CDH18: variants seen among roughly 807,000 people sequenced by gnomAD.
CDH18 encodes the protein cadherin 18.
In CDH18, 31 loss-of-function variants were observed where a neutral mutation model predicts 67.9. The ratio of observed to expected loss-of-function variants is 0.46; its 90% CI spans 0.34 to 0.62. CDH18 has a LOEUF of 0.62. Ranked by LOEUF, CDH18 falls within the 20% of genes least tolerant of loss-of-function variation. CDH18 has a pLI of 0.01. For missense variants in CDH18, 890 were observed against 975.5 expected, an observed-to-expected ratio of 0.91 and a Z score of 1.17; for synonymous variants, 362 against 347.2, an observed-to-expected ratio of 1.04 and a Z score of -0.48.
intron 5 of CDH18, among the ~76,000 whole-genome samples, chr5:19,629,778 T>G (rs538970935): frequency 6.6e-6 from 1 of 152,302 alleles, no homozygotes; most frequent in African/African-American, 2.4e-5. Context: ...GTTGACTATA[T>G]AAATTTTTTT....
At chr5:19,633,051 A>G (rs1406840238) in intron 5 of CDH18, among the ~76,000 whole-genome samples, 1 of 152,156 alleles carries the variant, frequency 6.6e-6, no homozygotes, top group Non-Finnish European at 1.5e-5. Flanking sequence ...ACTGGCCTTC[A>G]GCGTGCTTAT....
chr5:19,530,759 G>A (rs541668682), intron 9 of CDH18, among the ~76,000 whole-genome samples: 41 of 152,268 alleles, frequency 2.7e-4, no homozygotes, highest in African/African-American at 9.4e-4. Context: ...CAAAGGACAC[G>A]AACTCATCAT....
At chr5:20,348,682 A>G (rs1370761884) in intron 1 of CDH18, among the ~76,000 whole-genome samples, 1 of 152,188 alleles carries the variant, frequency 6.6e-6, no homozygotes, top group African/African-American at 2.4e-5. Flanking sequence ...GGAAAAGCAC[A>G]TACAAACATA....
chr5:20,448,063 C>G (rs1175474680), intron 1 of CDH18, among the ~76,000 whole-genome samples: 1 of 151,936 alleles, frequency 6.6e-6, no homozygotes, highest in African/African-American at 2.4e-5. Context: ...TCCCCCCACC[C>G]CACAACAGGC....
At chr5:20,108,480 G>T (rs190828310) in intron 2 of CDH18, among the ~76,000 whole-genome samples, 1 of 152,016 alleles carries the variant, frequency 6.6e-6, no homozygotes, top group African/African-American at 2.4e-5. Flanking sequence ...TCAGGTAGAC[G>T]CAATTTAGCC....
At chr5:20,312,015 T>G (rs1737042465) in intron 1 of CDH18, among the ~76,000 whole-genome samples, 1 of 152,112 alleles carries the variant, frequency 6.6e-6, no homozygotes, top group Admixed American at 6.6e-5. Context: ...ATGGGTTTCT[T>G]TTGCATGGTG....
chr5:19,589,188 C>G (rs1744696376), intron 7 of CDH18, among the ~76,000 whole-genome samples: 1 of 152,004 alleles, frequency 6.6e-6, no homozygotes, highest in Non-Finnish European at 1.5e-5. Flanking sequence ...CCAGTCAATC[C>G]TGTACTTCCT....
chr5:20,138,217 G>A (rs550643972), intron 2 of CDH18, among the ~76,000 whole-genome samples: 2 of 151,982 alleles, frequency 1.3e-5, no homozygotes, highest in East Asian at 1.9e-4. Flanking sequence ...AAAAAACCAC[G>A]TGATTGTCTC....
intron 2 of CDH18, among the ~76,000 whole-genome samples, chr5:20,101,301 A>G (rs1211876075): frequency 6.6e-6 from 1 of 152,308 alleles, no homozygotes; most frequent in East Asian, 1.9e-4. Context: ...GATTGGTTTC[A>G]TTAAAAAACA....
intron 1 of CDH18, among the ~76,000 whole-genome samples, chr5:20,282,893 G>C (rs368203066): frequency 6.6e-6 from 1 of 151,922 alleles, no homozygotes; most frequent in East Asian, 1.9e-4. Context: ...GTAACAAAAA[G>C]AACATGATAC....
intron 1 of CDH18, among the ~76,000 whole-genome samples, chr5:20,324,257 C>T (rs1032522212): frequency 6.6e-5 from 10 of 151,674 alleles, no homozygotes; most frequent in Non-Finnish European, 1.0e-4. Context: ...GGGGGAAGGC[C>T]GGGCGCGGTG....
At chr5:19,739,627 T>G (rs2150688897) in intron 4 of CDH18, among the ~76,000 whole-genome samples, 1 of 152,330 alleles carries the variant, frequency 6.6e-6, no homozygotes, top group South Asian at 2.1e-4. Flanking sequence ...GAAGAATAGT[T>G]ATGCAAATAA....
intron 2 of CDH18, among the ~76,000 whole-genome samples, chr5:19,860,326 T>C (rs887829649): frequency 6.6e-6 from 1 of 152,054 alleles, no homozygotes; most frequent in African/African-American, 2.4e-5. Flanking sequence ...TTTTATCCTT[T>C]TCTTATTTTC....
intron 2 of CDH18, among the ~76,000 whole-genome samples, chr5:19,913,193 T>C (rs1791350361): frequency 6.6e-6 from 1 of 151,452 alleles, no homozygotes; most frequent in Non-Finnish European, 1.5e-5. Flanking sequence ...TTAGTCATGA[T>C]TATAAGAACC....
chr5:19,598,065 C>A (rs1207822917), intron 6 of CDH18, among the ~76,000 whole-genome samples: 2 of 152,094 alleles, frequency 1.3e-5, no homozygotes, highest in Non-Finnish European at 2.9e-5. Context: ...TCCTTATTCA[C>A]ATGCAGGAAA....
intron 1 of CDH18, among the ~76,000 whole-genome samples, chr5:20,390,849 A>G (rs888731295): frequency 6.6e-6 from 1 of 152,186 alleles, no homozygotes; most frequent in Non-Finnish European, 1.5e-5. Context: ...GACATGAACG[A>G]AGCTGGAAAC....
intron 1 of CDH18, among the ~76,000 whole-genome samples, chr5:20,279,636 T>C (rs1317305524): frequency 7.6e-6 from 1 of 131,952 alleles, no homozygotes; most frequent in Non-Finnish European, 1.5e-5. Context: ...GAGGTGGAGG[T>C]TGCAGTGAGC....
chr5:20,360,323 G>A (rs554718342), intron 1 of CDH18, among the ~76,000 whole-genome samples: 74 of 152,036 alleles, frequency 4.9e-4, no homozygotes, highest in African/African-American at 1.4e-3. Flanking sequence ...CCCTCTAGAC[G>A]GATTAAAGAA....
intron 5 of CDH18, among the ~76,000 whole-genome samples, chr5:19,623,269 G>T (rs893807217): frequency 6.6e-6 from 1 of 152,120 alleles, no homozygotes; most frequent in Non-Finnish European, 1.5e-5. Flanking sequence ...CATAGAACAC[G>T]ACTTCCTGTA....
Sources: allele counts gnomAD v4.1 joint callset (sites outside exome capture counted in the v4.1 genomes callset), GRCh38; gene constraint gnomAD v4.1.1; transcripts MANE v1.5; gene names NCBI Gene and HGNC (gene_info 2026-07-23, HGNC 2026-07-21).